Variants in ROS1 observed in about 807,000 individuals in gnomAD.
ROS1 encodes proto-oncogene tyrosine-protein kinase ROS.
ROS1 carries 263 observed loss-of-function variants against 273.5 expected under a neutral mutation model. The observed-to-expected ratio is 0.96, with a 90% CI of 0.87 to 1.06. The LOEUF (loss-of-function observed/expected upper bound fraction) is 1.06, where lower values mean the gene tolerates loss of function less well. ROS1 is among the 50% of genes least tolerant of loss of function. The probability of loss-of-function intolerance (pLI) is 0.00; values close to 1 mark genes in which losing one functional copy is unlikely to be tolerated. For missense variants in ROS1, 2,833 were observed against 2,751.1 expected (o/e 1.03, Z -0.67); for synonymous variants, 1,008 against 954.1 (o/e 1.06, Z -1.04).
intron 43 of ROS1, among the ~76,000 whole-genome samples, chr6:117,292,199 T>C (rs1773889333): frequency 6.6e-6 from 1 of 152,094 alleles, no homozygotes; most frequent in Non-Finnish European, 1.5e-5. Flanking sequence ...CTCGATCTTC[T>C]GACCTTGTGA....
intron 9 of ROS1, 67 bp downstream of exon 9, chr6:117,396,121 T>A (rs1408289406): frequency 8.2e-7 from 1 of 1,224,438 alleles, no homozygotes; most frequent in Non-Finnish European, 1.2e-6. Flanking sequence ...ACCCAGGGCT[T>A]CTGGCTCTGA....
intron 43 of ROS1, among the ~76,000 whole-genome samples, chr6:117,294,531 A>T (rs1774072537): frequency 6.6e-6 from 1 of 152,142 alleles, no homozygotes; most frequent in South Asian, 2.1e-4. Flanking sequence ...TTTGTTGAGA[A>T]CTTTTGCATC....
chr6:117,393,214 TA>T lies in ROS1; in HGVS notation c.1289+9del. ...GGAAGAGAATTCATCTTTACAAGGC[TA>T]ACACATACCCATTGTATGAATCAGC... On this transcript the variant is annotated intron_variant, in intron 12 of 43. Transcript: ENST00000368507. 6.9e-7 allele frequency: 1 copy of T among 1,454,424 alleles called. No individual in the cohort carries two copies. The highest frequency in any genetic ancestry group is 9.7e-7 in the Non-Finnish European group (1 of 1,035,392). 90.1% of individuals were successfully genotyped at this position (1,454,424 alleles called of 1,614,324 possible).
intron 25 of ROS1, among the ~76,000 whole-genome samples, chr6:117,357,564 T>A (rs557066728): frequency 1.7e-4 from 26 of 152,262 alleles, no homozygotes; most frequent in Non-Finnish European, 3.2e-4. Context: ...TCTGCTATTG[T>A]TTCCTTTTAG....
intron 19 of ROS1, 104 bp downstream of exon 19, chr6:117,365,972 C>A: frequency 2.9e-6 from 3 of 1,027,350 alleles, no homozygotes; most frequent in Non-Finnish European, 4.4e-6. Flanking sequence ...TGAAACCTTA[C>A]TCCTCTTAAA....
chr6:117,332,835 A>G (rs748000938), intron 32 of ROS1, among the ~76,000 whole-genome samples: 1 of 152,164 alleles, frequency 6.6e-6, no homozygotes, highest in Admixed American at 6.5e-5. Flanking sequence ...CTGGGACACA[A>G]CTAAAGCAGT....
chr6:117,386,851 A>G, intron 15 of ROS1, 38 bp downstream of exon 15: 1 of 1,049,680 alleles, frequency 9.5e-7, no homozygotes, highest in Non-Finnish European at 1.5e-6. Context: ...TATGAGTAGA[A>G]ATCTGTCATT....
In ROS1 at chr6:117,342,475, C is replaced by T. The variant is rs2128623953; in HGVS notation, c.4576G>A (p.Val1526Ile). The T allele has an allele frequency of 6.2e-7, 1 of 1,607,086 alleles. No individual in the cohort carries two copies. The highest frequency in any genetic ancestry group is 2.2e-5 in the East Asian group (1 of 44,686). ...PFSTYMIQIAVKNYYSDPLEH... is the reference protein window; with the variant it reads ...PFSTYMIQIAIKNYYSDPLEH... ...AAAGGATCTGAATAATAATTTTTTA[C>T]AGCTATCTGTATCATGTATGTTGAA... Residue 1526 changes from valine to isoleucine, a missense_variant, in exon 29 of 44, where the codon GTA (valine) becomes ATA (isoleucine). Physicochemically the swap from Val to Ile is conservative, Grantham distance 29. Coordinates refer to ENST00000368507, the MANE Select transcript of ROS1 (RefSeq NM_001378902.1).
Position 117,329,349 on chromosome 6 carries a change from T to C in ROS1, c.5328A>G (p.Thr1776=), listed in dbSNP as rs1170484599. ...CATACCTTATCTCAAGGATATAGTA[T>C]GTAATTCTACATCCATTATCTTCAG... ...EKAEDNGCRI[T]YYILEIRKST... Residue 1776 remains threonine, a synonymous_variant, in exon 33 of 44, where the codon ACA becomes ACG. Transcript: ENST00000368507. 3.3e-5 allele frequency: 51 copies of C among 1,526,442 alleles called. No individual in the cohort carries two copies. Among genetic ancestry groups the C allele is most frequent in the East Asian group, 1.1e-4 (5 of 44,380 alleles). 94.6% of individuals were successfully genotyped at this position (1,526,442 alleles called of 1,614,324 possible). A position where few individuals can be genotyped will look rare whatever the true frequency, so the allele number is the denominator to read the frequency against.
At position 117,362,605 on chromosome 6, in the gene ROS1, G is replaced by T; in HGVS notation, c.3364C>A (p.Gln1122Lys). 1 of 1,611,628 alleles carries T rather than the reference G, an allele frequency of 6.2e-7. No individual in the cohort carries two copies. The highest frequency in any genetic ancestry group is 2.2e-5 in the East Asian group (1 of 44,846). ...GMSPRCFIAFQVRAFTSKGPG... is the reference protein window; with the variant it reads ...GMSPRCFIAFKVRAFTSKGPG... Reference sequence around the variant, plus strand: ...ATCTTCTGTTTTCTCTCTCATACCTGGAAGGCAATAAAGCATCTGGGACTC... The same window carrying T: ...ATCTTCTGTTTTCTCTCTCATACCTTGAAGGCAATAAAGCATCTGGGACTC... Residue 1122 changes from glutamine to lysine, a missense_variant and splice_region_variant, in exon 22 of 44, where the codon CAG becomes AAG. By Grantham distance (53) the Gln-to-Lys change is moderately conservative. Transcript: ENST00000368507.
intron 32 of ROS1, among the ~76,000 whole-genome samples, chr6:117,332,984 A>G (rs1777196791): frequency 6.6e-6 from 1 of 152,282 alleles, no homozygotes; most frequent in African/African-American, 2.4e-5. Flanking sequence ...GACAAGAAAT[A>G]ACTAAGATCA....
intron 3 of ROS1, 133 bp from the exon 4 acceptor site, chr6:117,414,678 C>G (rs1164169362): frequency 1.8e-6 from 1 of 560,290 alleles, no homozygotes; most frequent in Non-Finnish European, 3.1e-6. Context: ...ACAACAGAAA[C>G]AAGGGAGCCC....
chr6:117,288,478 C>T lies in ROS1; in HGVS notation c.*14G>A, dbSNP rs2128520408. ...GAGTGTTTATCTCAACTCTCTATTT[C>T]CCAAACAACGCTATTAATCAGACCC... On this transcript the variant is annotated 3_prime_UTR_variant, in exon 44 of 44. Coordinates refer to ENST00000368507, the MANE Select transcript of ROS1 (RefSeq NM_001378902.1). 1 of 1,592,186 alleles carries T rather than the reference C, an allele frequency of 6.3e-7. No homozygotes were observed. The highest frequency in any genetic ancestry group is 8.5e-7 in the Non-Finnish European group (1 of 1,170,466).
At position 117,397,200 on chromosome 6, in the gene ROS1, T is replaced by C. The variant is rs549638309; in HGVS notation, c.605-84A>G. 4.7e-5 allele frequency: 44 copies of C among 942,232 alleles called. No homozygotes were observed. In the East Asian group the frequency reaches 1.0e-3, roughly 22 times the overall value. The allele number at this position is 942,232 out of a possible 1,614,324, so 58.4% of individuals were successfully genotyped here. A position where few individuals can be genotyped will look rare whatever the true frequency, so the allele number is the denominator to read the frequency against. On this transcript the variant is annotated intron_variant, in intron 7 of 43. Transcript: ENST00000368507. ...AATAAGATGGAAAAAAGTCTTGTTT[T>C]TTTTTTTGAAAACTTAATGGAAACG...
rs2128704186 is a variant in ROS1 at position 117,389,456 on chromosome 6, G to A, written c.1680C>T (p.Ser560=). The A allele has an allele frequency of 6.2e-7, 1 of 1,614,150 alleles. No individual in the cohort carries two copies. Among genetic ancestry groups the A allele is most frequent in the East Asian group, 2.2e-5 (1 of 44,868 alleles). The change falls in exon 13 of 44, where the codon TCC becomes TCT. Residue 560 remains serine, a synonymous_variant. Transcript: ENST00000368507. ...GGCCTGGCAGAGGGTGCAGCTGGGA[G>A]GATGAGCCAAAGATGACCAAGTTAC... ...GFGNLVIFGS[S]SQLHPLPGRP...
chr6:117,330,732 A>G (rs945696886), intron 32 of ROS1, among the ~76,000 whole-genome samples: 1 of 152,194 alleles, frequency 6.6e-6, no homozygotes, highest in African/African-American at 2.4e-5. Context: ...GCCCTACAGA[A>G]GAGGGAAGTG....
At chr6:117,404,816 C>T (rs1774268126) in intron 5 of ROS1, among the ~76,000 whole-genome samples, 1 of 152,088 alleles carries the variant, frequency 6.6e-6, no homozygotes, top group African/African-American at 2.4e-5. Context: ...GGATGTGTAC[C>T]CCAATATATT....
chr6:117,296,915 G>A (rs149975712), intron 43 of ROS1, among the ~76,000 whole-genome samples: 2 of 152,086 alleles, frequency 1.3e-5, no homozygotes, highest in East Asian at 1.9e-4. Flanking sequence ...CATGTACCCT[G>A]TAAATATAGA....
intron 7 of ROS1, among the ~76,000 whole-genome samples, chr6:117,398,738 G>T (rs1379899582): frequency 6.6e-6 from 1 of 150,666 alleles, no homozygotes; most frequent in Non-Finnish European, 1.5e-5. Flanking sequence ...ACTTTAGGAG[G>T]CCGAGGCGGG....
Sources: gnomAD v4.1 joint callset for allele counts (sites outside exome capture counted in the v4.1 genomes callset) on GRCh38, gnomAD v4.1.1 for gene constraint, MANE v1.5 for transcripts, NCBI Gene and HGNC (gene_info 2026-07-23, HGNC 2026-07-21) for gene names.